ADAMTS17: variants seen among roughly 807,000 people sequenced by gnomAD.
The protein encoded by ADAMTS17 is A disintegrin and metalloproteinase with thrombospondin motifs 17.
ADAMTS17 carries 113 observed loss-of-function variants against 141.5 expected under a neutral mutation model. That is an observed-to-expected ratio of 0.80 (90% CI 0.69 to 0.93). The LOEUF (loss-of-function observed/expected upper bound fraction) is 0.93. Among genes scored for constraint, ADAMTS17 ranks in the 40% least tolerant of loss-of-function variants. The pLI is 0.00. For missense variants in ADAMTS17, 1,659 were observed against 1,517.9 expected (o/e 1.09, Z -1.54); for synonymous variants, 768 against 630.6 (o/e 1.22, Z -3.27).
chr15:100,223,158 G>C (rs751710278), intron 7 of ADAMTS17, among the ~76,000 whole-genome samples: 1 of 152,186 alleles, frequency 6.6e-6, no homozygotes, highest in Non-Finnish European at 1.5e-5. Flanking sequence ...CATCAGGGGA[G>C]GGAGACAAAA....
chr15:100,176,788 A>T (rs2141500723), intron 8 of ADAMTS17, among the ~76,000 whole-genome samples: 1 of 152,332 alleles, frequency 6.6e-6, no homozygotes, highest in South Asian at 2.1e-4. Flanking sequence ...CTATCCTTCA[A>T]ACCCTGGCCA....
At chr15:99,985,474 T>G (rs893608744) in intron 20 of ADAMTS17, among the ~76,000 whole-genome samples, 6 of 152,066 alleles carry the variant, frequency 3.9e-5, no homozygotes, top group Admixed American at 2.6e-4. Flanking sequence ...CCTAGAGAGA[T>G]AAGAGATTTA....
chr15:100,304,325 A>G (rs1292747603), intron 3 of ADAMTS17, among the ~76,000 whole-genome samples: 1 of 152,068 alleles, frequency 6.6e-6, no homozygotes, highest in African/African-American at 2.4e-5. Context: ...CTGGATTTTC[A>G]TTTCTTTTGA....
At chr15:100,195,527 C>G (rs1051437152) in intron 8 of ADAMTS17, among the ~76,000 whole-genome samples, 1 of 141,550 alleles carries the variant, frequency 7.1e-6, no homozygotes, top group Non-Finnish European at 1.5e-5. Context: ...TGATCATTTT[C>G]ACATTTTCAC....
At chr15:99,979,446 G>A (rs566810517) in intron 20 of ADAMTS17, 2 of 152,052 alleles carry the variant, frequency 1.3e-5, no homozygotes, top group East Asian at 3.8e-4. Flanking sequence ...CCCAGAAACT[G>A]AGAGTCCACA....
At position 100,214,034 on chromosome 15, in the gene ADAMTS17, G is replaced by A. The variant is rs538782467; in HGVS notation, c.1076-14611C>T. On this transcript the variant is annotated intron_variant, in intron 7 of 21. Coordinates refer to ENST00000268070, the MANE Select transcript of ADAMTS17 (RefSeq NM_139057.4). ...AGGGGCAAGAAAGATGACTAGTTAC[G>A]GAGAGTGAGGGTTGTTTTTGTTTTT... 9.5e-4 allele frequency among the ~76,000 whole-genome samples: 144 copies of A among 152,330 alleles called. 1 individual carries two copies. The highest frequency in any genetic ancestry group is 1.8e-3 in the Non-Finnish European group (124 of 68,038).
intron 3 of ADAMTS17, among the ~76,000 whole-genome samples, chr15:100,315,887 C>A (rs147292086): frequency 6.6e-6 from 1 of 152,216 alleles, no homozygotes; most frequent in Non-Finnish European, 1.5e-5. Flanking sequence ...CTGGAGGGAA[C>A]CACGGGGGCA....
intron 15 of ADAMTS17, among the ~76,000 whole-genome samples, chr15:100,063,953 C>T (rs1333707623): frequency 2.0e-5 from 3 of 152,140 alleles, no homozygotes; most frequent in South Asian, 2.1e-4. Flanking sequence ...AGGATTTGCA[C>T]GTGTTTCAGG....
intron 18 of ADAMTS17, among the ~76,000 whole-genome samples, chr15:100,042,044 T>G (rs2031303011): frequency 6.6e-6 from 1 of 152,182 alleles, no homozygotes; most frequent in Non-Finnish European, 1.5e-5. Flanking sequence ...TTCTTCCAGG[T>G]TCCAGGCTCT....
intron 8 of ADAMTS17, among the ~76,000 whole-genome samples, chr15:100,182,218 G>A (rs965311208): frequency 6.6e-6 from 1 of 152,218 alleles, no homozygotes; most frequent in African/African-American, 2.4e-5. Context: ...CAAAGGCAAA[G>A]GGGAAGCAAG....
intron 2 of ADAMTS17, among the ~76,000 whole-genome samples, chr15:100,333,252 CCT>C (rs1221349232): frequency 6.6e-6 from 1 of 152,168 alleles, no homozygotes; most frequent in African/African-American, 2.4e-5. Context: ...AATTATTCCT[CCT>C]GTTTTTGCCA....
At chr15:100,034,597 A>G (rs1340774734) in intron 18 of ADAMTS17, among the ~76,000 whole-genome samples, 2 of 152,224 alleles carry the variant, frequency 1.3e-5, no homozygotes, top group Non-Finnish European at 2.9e-5. Context: ...TTTCTATCAG[A>G]ACTGGTGTTT....
chr15:100,193,801 A>G (rs1414854659), intron 8 of ADAMTS17, among the ~76,000 whole-genome samples: 1 of 152,182 alleles, frequency 6.6e-6, no homozygotes, highest in Non-Finnish European at 1.5e-5. Context: ...CAGAATGGAA[A>G]GAGAATGGTT....
intron 10 of ADAMTS17, among the ~76,000 whole-genome samples, chr15:100,141,803 A>T (rs2038667900): frequency 6.6e-6 from 1 of 152,250 alleles, no homozygotes; most frequent in South Asian, 2.1e-4. Context: ...CTGGAAAATT[A>T]GGACCATCTG....
In ADAMTS17 at chr15:100,003,232, C is replaced by T. The variant is rs116223225; in HGVS notation, c.2592-5643G>A. Among the ~76,000 whole-genome samples, 1,310 of 152,244 alleles carry T rather than the reference C, an allele frequency of 8.6e-3. 45 individuals are homozygous for T. The highest frequency in any genetic ancestry group is 0.03 in the African/African-American group (1,233 of 41,470). On this transcript the variant is annotated intron_variant, in intron 18 of 21. Coordinates refer to ENST00000268070, the MANE Select transcript of ADAMTS17 (RefSeq NM_139057.4). ...AGCTCAGGGCACAGCCCTTGCTCCA[C>T]GCCCTTCCTTCTACTTCCCAGCTCC...
At chr15:100,085,763 G>A (rs1341063303) in intron 15 of ADAMTS17, among the ~76,000 whole-genome samples, 2 of 149,764 alleles carry the variant, frequency 1.3e-5, no homozygotes, top group Non-Finnish European at 2.9e-5. Flanking sequence ...ATAAGTGAAG[G>A]AGAAATAAAA....
rs551038683 is a variant in ADAMTS17 at position 100,245,144 on chromosome 15, G to A, written c.1075+8992C>T. ...CTTCTACTCTTGTCACACTGAAGCT[G>A]TGGAAGAATGACAGGGCAGTGGGCT... is the stretch of plus-strand genomic sequence containing the variant. On this transcript the variant is annotated intron_variant, in intron 7 of 21. Coordinates refer to ENST00000268070, the MANE Select transcript of ADAMTS17 (RefSeq NM_139057.4). Among the ~76,000 whole-genome samples the A allele has an allele frequency of 2.6e-5, 4 of 152,280 alleles. No individual in the cohort carries two copies. In the South Asian group the frequency reaches 6.2e-4, roughly 24 times the overall value.
intron 12 of ADAMTS17, among the ~76,000 whole-genome samples, chr15:100,124,895 A>C (rs1203929204): frequency 6.6e-6 from 1 of 152,242 alleles, no homozygotes; most frequent in Non-Finnish European, 1.5e-5. Context: ...GCAGAGAAGC[A>C]GCAAAGGTTT....
At chr15:100,261,899 C>T (rs1476016838) in intron 5 of ADAMTS17, among the ~76,000 whole-genome samples, 1 of 152,136 alleles carries the variant, frequency 6.6e-6, no homozygotes, top group African/African-American at 2.4e-5. Flanking sequence ...GAACAGTATC[C>T]CAAACCAAGC....
Sources: allele counts gnomAD v4.1 joint callset (sites outside exome capture counted in the v4.1 genomes callset), GRCh38; gene constraint gnomAD v4.1.1; transcripts MANE v1.5; gene names NCBI Gene and HGNC (gene_info 2026-07-23, HGNC 2026-07-21).